GPC6: variants seen among roughly 807,000 people sequenced by gnomAD.
GPC6 encodes glypican 6.
Under a neutral mutation model 55.2 loss-of-function variants are expected in GPC6, and 14 were observed. The observed-to-expected ratio is 0.25, with a 90% CI of 0.17 to 0.40. GPC6 has a LOEUF of 0.40. Among genes scored for constraint, GPC6 ranks in the 10% least tolerant of loss-of-function variants. The pLI is 1.00. For synonymous variants in GPC6, 278 were observed against 259.6 expected, an observed-to-expected ratio of 1.07 and a Z score of -0.68; for missense variants, 641 against 708.5, an observed-to-expected ratio of 0.90 and a Z score of 1.08.
intron 1 of GPC6, among the ~76,000 whole-genome samples, chr13:93,297,102 G>C (rs1442321827): frequency 6.6e-6 from 1 of 152,124 alleles, no homozygotes; most frequent in Non-Finnish European, 1.5e-5. Flanking sequence ...GGCTTTTCTT[G>C]GGTTCCCTTG....
intron 3 of GPC6, among the ~76,000 whole-genome samples, chr13:93,886,910 T>A (rs1202140905): frequency 6.6e-6 from 1 of 152,030 alleles, no homozygotes; most frequent in Admixed American, 6.6e-5. Flanking sequence ...TTTTTTTTGT[T>A]TTGTTTTATG....
chr13:94,172,518 A>C (rs1482241891), intron 4 of GPC6, among the ~76,000 whole-genome samples: 1 of 152,200 alleles, frequency 6.6e-6, no homozygotes, highest in Admixed American at 6.5e-5. Flanking sequence ...ATTCTGCCTG[A>C]TACTTGCTTT....
At chr13:94,382,692 G>C in intron 7 of GPC6, 142 bp downstream of exon 7, 1 of 1,109,968 alleles carries the variant, frequency 9.0e-7, no homozygotes, top group Non-Finnish European at 1.3e-6. Flanking sequence ...AACAGCTGTT[G>C]AGAGTGACAG....
chr13:93,868,325 A>G (rs1486010010), intron 3 of GPC6, among the ~76,000 whole-genome samples: 1 of 151,832 alleles, frequency 6.6e-6, no homozygotes, highest in African/African-American at 2.4e-5. Context: ...AGCCTATATT[A>G]TAAGTGTTAA....
chr13:93,216,608 C>G, the GPC6 span, among the ~76,000 whole-genome samples: 1 of 152,000 alleles, frequency 6.6e-6, no homozygotes, highest in Admixed American at 6.6e-5. Context: ...ACTAGACAGC[C>G]AGGGACTGGA....
In GPC6 at chr13:93,758,830, A is replaced by T. The variant is rs528389334; in HGVS notation, c.320-71324A>T. On this transcript the variant is annotated intron_variant, in intron 2 of 8. Transcript: ENST00000377047. ...CCTACTGGCATTTCCTAAATGTGTCATCATTTTCTAATTTCCTGTGTTCTT... is the reference window on the plus strand; with the variant it reads ...CCTACTGGCATTTCCTAAATGTGTCTTCATTTTCTAATTTCCTGTGTTCTT... 5.3e-5 allele frequency among the ~76,000 whole-genome samples: 8 copies of T among 152,204 alleles called. No individual in the cohort carries two copies. The South Asian group carries it at 1.7e-3, about 32-fold the overall frequency.
intron 1 of GPC6, among the ~76,000 whole-genome samples, chr13:93,335,191 T>C (rs1486957950): frequency 6.6e-6 from 1 of 152,246 alleles, no homozygotes; most frequent in African/African-American, 2.4e-5. Flanking sequence ...TTATCCTTTC[T>C]GAAATGTGTG....
intron 1 of GPC6, among the ~76,000 whole-genome samples, chr13:93,454,176 T>C (rs564459245): frequency 6.7e-6 from 1 of 148,228 alleles, no homozygotes; most frequent in East Asian, 2.0e-4. Context: ...GATTGGTGTG[T>C]TTACAAACCT....
chr13:93,402,305 A>G (rs187188365), intron 1 of GPC6, among the ~76,000 whole-genome samples: 2 of 152,180 alleles, frequency 1.3e-5, no homozygotes, highest in African/African-American at 2.4e-5. Context: ...AGCCAACTTC[A>G]TAAGCGCTAG....
chr13:93,921,527 G>A (rs992399150), intron 3 of GPC6, among the ~76,000 whole-genome samples: 1 of 152,012 alleles, frequency 6.6e-6, no homozygotes, highest in Non-Finnish European at 1.5e-5. Flanking sequence ...GGAGTAGGAA[G>A]ATGATCTTCC....
intron 1 of GPC6, among the ~76,000 whole-genome samples, chr13:93,335,832 T>C (rs1880026347): frequency 6.6e-6 from 1 of 152,216 alleles, no homozygotes; most frequent in Admixed American, 6.5e-5. Context: ...CCTGGAACTT[T>C]CTACTACTTT....
intron 1 of GPC6, among the ~76,000 whole-genome samples, chr13:93,321,334 T>C (rs1879429552): frequency 6.6e-6 from 1 of 152,140 alleles, no homozygotes; most frequent in African/African-American, 2.4e-5. Flanking sequence ...CTTTCTTCCC[T>C]TCCCTCCCCT....
chr13:94,107,662 A>G (rs1328967588), intron 4 of GPC6, among the ~76,000 whole-genome samples: 1 of 151,474 alleles, frequency 6.6e-6, no homozygotes, highest in East Asian at 1.9e-4. Flanking sequence ...ATGTACAACT[A>G]TAAAATATGT....
chr13:93,881,936 A>C (rs1253924413), intron 3 of GPC6, among the ~76,000 whole-genome samples: 1 of 152,018 alleles, frequency 6.6e-6, no homozygotes, highest in Non-Finnish European at 1.5e-5. Flanking sequence ...TGACTCTGTA[A>C]GGAAAAAATT....
chr13:93,818,079 A>G (rs904595356), intron 2 of GPC6, among the ~76,000 whole-genome samples: 8 of 147,780 alleles, frequency 5.4e-5, no homozygotes, highest in Non-Finnish European at 8.9e-5. Flanking sequence ...TAAATCATAT[A>G]TATTTATTAT....
chr13:93,530,462 TG>T (rs1404730251), intron 1 of GPC6, among the ~76,000 whole-genome samples: 1 of 152,124 alleles, frequency 6.6e-6, no homozygotes, highest in African/African-American at 2.4e-5. Flanking sequence ...CAGATCTATG[TG>T]GGTAGTGGAA....
chr13:94,187,746 A>G (rs919218670), intron 4 of GPC6: 1 of 152,188 alleles, frequency 6.6e-6, no homozygotes, highest in Non-Finnish European at 1.5e-5. Context: ...ACCAAAAATA[A>G]GATAAGAAAA....
chr13:94,136,014 C>CAAATTTCA (rs1428190476), intron 4 of GPC6, among the ~76,000 whole-genome samples: 5 of 152,036 alleles, frequency 3.3e-5, no homozygotes, highest in African/African-American at 1.2e-4. Flanking sequence ...ATTGAGAAAT[C>CAAATTTCA]AAATTTCAAA....
At chr13:94,017,523 A>G (rs938703864) in intron 3 of GPC6, among the ~76,000 whole-genome samples, 2 of 152,152 alleles carry the variant, frequency 1.3e-5, no homozygotes, top group Non-Finnish European at 2.9e-5. Context: ...AGTATGGGGA[A>G]AACCATCCCC....
Sources: allele counts gnomAD v4.1 joint callset (sites outside exome capture counted in the v4.1 genomes callset), GRCh38; gene constraint gnomAD v4.1.1; transcripts MANE v1.5; gene names NCBI Gene and HGNC (gene_info 2026-07-23, HGNC 2026-07-21).